The following ADCY9 variants were observed in gnomAD, a reference collection of about 807,000 sequenced individuals.
ADCY9 encodes the protein adenylate cyclase type 9.
In ADCY9, 50 loss-of-function variants were observed where a neutral mutation model predicts 101.5. That is an observed-to-expected ratio of 0.49 (90% confidence interval 0.39 to 0.62). The LOEUF (loss-of-function observed/expected upper bound fraction) is 0.62. Among genes scored for constraint, ADCY9 ranks in the 20% least tolerant of loss-of-function variants. ADCY9 has a pLI of 0.00. For missense variants in ADCY9, 1,662 were observed against 1,800.4 expected (o/e 0.92, Z 1.39); for synonymous variants, 905 against 769.3 (o/e 1.18, Z -2.92).
intron 9 of ADCY9, among the ~76,000 whole-genome samples, chr16:3,976,774 C>T (rs1220147138): frequency 6.6e-6 from 1 of 152,188 alleles, no homozygotes; most frequent in African/African-American, 2.4e-5. Flanking sequence ...TCTCCTACCT[C>T]AGCCTCCCAA....
At position 3,963,598 on chromosome 16, in the gene ADCY9, C is replaced by T. The variant is rs1179215738; in HGVS notation, c.*2177G>A. 2.8e-6 allele frequency: 1 copy of T among 362,364 alleles called. No individual in the cohort carries two copies. The allele number at this position is 362,364 out of a possible 1,614,324, so 22.4% of individuals were successfully genotyped here. ...TTCCCGGGGTGAGGAATCACAAACA[C>T]CTTTGTGGTTGGGGAAGGAAATGGG... On this transcript the variant is annotated 3_prime_UTR_variant, in exon 11 of 11. Transcript: ENST00000294016.
rs2056120031 is a variant in ADCY9, at chr16:3,979,263, G to A, written c.2532C>T (p.Phe844=). Residue 844 remains phenylalanine (F), a synonymous_variant, in exon 8 of 11, where the codon TTC becomes TTT. Coordinates refer to ENST00000294016, the MANE Select transcript of ADCY9 (RefSeq NM_001116.4). ...TGGTGCAGGCCATGACGTCCTCCAGGAAGAACACCATCCTGCGAGAGGCAT... is the reference window on the plus strand; with the variant it reads ...TGGTGCAGGCCATGACGTCCTCCAGAAAGAACACCATCCTGCGAGAGGCAT... The part of the protein sequence containing the change: ...SLAVSIRMVF[F]LEDVMACTKR... 1 of 1,613,842 alleles carries A rather than the reference G, an allele frequency of 6.2e-7. No homozygotes were observed. Among genetic ancestry groups the A allele is most frequent in the Admixed American group, 1.7e-5 (1 of 60,014 alleles).
At chr16:3,976,649 T>C (rs1676408322) in intron 9 of ADCY9, among the ~76,000 whole-genome samples, 1 of 152,296 alleles carries the variant, frequency 6.6e-6, no homozygotes, top group Non-Finnish European at 1.5e-5. Context: ...GGAACTGTTT[T>C]GACCTATTTA....
In ADCY9 at chr16:3,989,094, A is replaced by G; in HGVS notation, c.2210T>C (p.Leu737Pro). The G allele has an allele frequency of 1.9e-6, 3 of 1,610,432 alleles. No individual in the cohort carries two copies. Among genetic ancestry groups the G allele is most frequent in the Non-Finnish European group, 2.5e-6 (3 of 1,176,666 alleles). Residue 737 changes from leucine (L) to proline (P), a missense_variant and splice_region_variant, in exon 6 of 11, where the codon CTG becomes CCG. Physicochemically the swap from Leu to Pro is moderately conservative, Grantham distance 98 (BLOSUM62 -3). Around this residue, in one of 5 missense-constraint regions of ADCY9, gnomAD observed 624 missense variants for 639.1 expected, o/e 0.98. Transcript: ENST00000294016. ...CGGCTTAAAAAAGTAATCTTTCATC[A>G]GGCTAGAAGACACAACAAATGCAGT... is the stretch of plus-strand genomic sequence containing the variant. ...HFVDVIKEDSLMKDYFFKPPI... is the reference protein window; with the variant it reads ...HFVDVIKEDSPMKDYFFKPPI...
rs201266463 is a variant in ADCY9 at position 3,994,705 on chromosome 16, G to A, written c.1885-1195C>T. 1.1e-3 allele frequency among the ~76,000 whole-genome samples: 163 copies of A among 152,266 alleles called. 1 individual carries two copies. The highest frequency in any genetic ancestry group is 3.7e-3 in the African/African-American group (152 of 41,556). Reference sequence around the variant, plus strand: ...ACTCCTGACCTCAGGTGATCCACCCGTCTTGGCCTCCCAAAGTGCTGGGAT... The same window carrying A: ...ACTCCTGACCTCAGGTGATCCACCCATCTTGGCCTCCCAAAGTGCTGGGAT... On this transcript the variant is annotated intron_variant, in intron 3 of 10. Transcript: ENST00000294016.
chr16:3,977,712 C>G, intron 8 of ADCY9, 82 bp from the exon 9 acceptor site: 1 of 1,493,806 alleles, frequency 6.7e-7, no homozygotes. Flanking sequence ...ACATTCGCCA[C>G]TAATCCATGT....
chr16:3,959,862 T>C (rs145659374), downstream of ADCY9, among the ~76,000 whole-genome samples: 2,658 of 150,492 alleles, frequency 0.018, 65 homozygotes, highest in African/African-American at 0.06. Flanking sequence ...CCTATCTCTA[T>C]TAAAAATCCA....
intron 2 of ADCY9, among the ~76,000 whole-genome samples, chr16:4,101,058 C>T (rs372611343): frequency 1.3e-5 from 2 of 152,184 alleles, no homozygotes; most frequent in African/African-American, 4.8e-5. Flanking sequence ...TGTATTTTCT[C>T]ATTTAATCCT....
chr16:4,054,861 C>G (rs1164712735), intron 2 of ADCY9, among the ~76,000 whole-genome samples: 1 of 152,086 alleles, frequency 6.6e-6, no homozygotes, highest in African/African-American at 2.4e-5. Context: ...GCCACTGTGC[C>G]CAGCCGAAAT....
Position 4,097,553 on chromosome 16 carries a change from ATT to A in ADCY9, c.1693+16195_1693+16196del, listed in dbSNP as rs35732229. Among the ~76,000 whole-genome samples, 98 of 53,378 alleles carry A rather than the reference ATT, an allele frequency of 1.8e-3. 1 individual carries two copies. Among genetic ancestry groups the A allele is most frequent in the African/African-American group, 8.0e-3 (92 of 11,566 alleles). The allele number at this position is 53,378 out of a possible 152,430, so 35.0% of individuals were successfully genotyped here. On this transcript the variant is annotated intron_variant, in intron 2 of 10. Transcript: ENST00000294016. ...CATATATATATATATATATATATAT[ATT>A]TTTTTTTTTTTTTTTTAAGACAGAG...
At chr16:4,093,909 G>A (rs13380599) in intron 2 of ADCY9, among the ~76,000 whole-genome samples, 53 of 152,296 alleles carry the variant, frequency 3.5e-4, no homozygotes, top group African/African-American at 1.2e-3. Context: ...GTGCGAACTG[G>A]AACTTCTCCC....
chr16:3,976,804 C>A lies in ADCY9; in HGVS notation c.2828+678G>T, dbSNP rs2056096187. ...TCCCAAGTAGCTGCGATTACAGGTGCACGCCCCCATGCCTGACTAATTTTT... is the reference window on the plus strand; with the variant it reads ...TCCCAAGTAGCTGCGATTACAGGTGAACGCCCCCATGCCTGACTAATTTTT... On this transcript the variant is annotated intron_variant, in intron 9 of 10. Coordinates refer to ENST00000294016, the MANE Select transcript of ADCY9 (RefSeq NM_001116.4). 3.3e-5 allele frequency among the ~76,000 whole-genome samples: 5 copies of A among 152,316 alleles called. No homozygotes were observed. In the South Asian group the frequency reaches 1.0e-3, roughly 32 times the overall value.
At chr16:4,001,208 G>A (rs943035157) in intron 3 of ADCY9, among the ~76,000 whole-genome samples, 2 of 152,026 alleles carry the variant, frequency 1.3e-5, no homozygotes, top group African/African-American at 2.4e-5. Flanking sequence ...TTTGCTGTTC[G>A]GGTCTCCTCT....
chr16:4,100,109 T>C (rs1339029491), intron 2 of ADCY9, among the ~76,000 whole-genome samples: 2 of 151,776 alleles, frequency 1.3e-5, no homozygotes, highest in Non-Finnish European at 2.9e-5. Flanking sequence ...CTCGTGAGAG[T>C]GAGGGAGTTC....
intron 3 of ADCY9, among the ~76,000 whole-genome samples, chr16:3,997,677 G>A (rs963809152): frequency 1.2e-4 from 19 of 152,228 alleles, no homozygotes; most frequent in Admixed American, 3.9e-4. Flanking sequence ...AGGTTTGTCC[G>A]GGAAGTGGGA....
At chr16:4,003,563 C>CT (rs34344577) in intron 3 of ADCY9, among the ~76,000 whole-genome samples, 1,384 of 124,434 alleles carry the variant, frequency 0.011, 13 homozygotes, top group East Asian at 0.04. Flanking sequence ...TCTTTCTTTT[C>CT]TTTTTTTTTT....
At chr16:4,017,875 GA>G (rs1263813827) in intron 2 of ADCY9, among the ~76,000 whole-genome samples, 1 of 152,150 alleles carries the variant, frequency 6.6e-6, no homozygotes, top group African/African-American at 2.4e-5. Context: ...ACGCCGGGCC[GA>G]CACCCACATT....
At chr16:4,047,045 CA>C (rs977941475) in intron 2 of ADCY9, among the ~76,000 whole-genome samples, 1 of 151,914 alleles carries the variant, frequency 6.6e-6, no homozygotes, top group Non-Finnish European at 1.5e-5. Flanking sequence ...ACATATTCCA[CA>C]AAAAAGATTT....
At chr16:4,061,216 G>C (rs1277455952) in intron 2 of ADCY9, among the ~76,000 whole-genome samples, 1 of 151,894 alleles carries the variant, frequency 6.6e-6, no homozygotes, top group Non-Finnish European at 1.5e-5. Flanking sequence ...GAAACACAGG[G>C]ATACCATCAA....
Sources: gnomAD v4.1 joint callset for allele counts (sites outside exome capture counted in the v4.1 genomes callset) on GRCh38, gnomAD v4.1.1 for gene constraint, gnomAD v4.1.1 regional missense constraint, MANE v1.5 for transcripts, NCBI Gene and HGNC (gene_info 2026-07-23, HGNC 2026-07-21) for gene names.